Variants in RORA observed in about 807,000 individuals in gnomAD.
RORA encodes RAR related orphan receptor A.
In RORA, 7 loss-of-function variants were observed where a neutral mutation model predicts 69.5. That is an observed-to-expected ratio of 0.10 (90% CI 0.06 to 0.19). RORA has a LOEUF of 0.19. Among genes scored for constraint, RORA ranks in the 10% least tolerant of loss-of-function variants. The pLI is 1.00. For missense variants in RORA, 457 were observed against 663.0 expected (o/e 0.69, Z 3.41); for synonymous variants, 261 against 240.8 (o/e 1.08, Z -0.78).
chr15:60,893,080 G>T (rs1891123434), intron 1 of RORA, among the ~76,000 whole-genome samples: 1 of 152,168 alleles, frequency 6.6e-6, no homozygotes, highest in African/African-American at 2.4e-5. Context: ...CTTCAGTCCA[G>T]CAAAGCAGGC....
intron 1 of RORA, among the ~76,000 whole-genome samples, chr15:60,711,706 C>G (rs1376620752): frequency 2.6e-5 from 4 of 152,132 alleles, no homozygotes; most frequent in Non-Finnish European, 1.5e-5. Flanking sequence ...CTCTTTTGGT[C>G]CTACCTTCAG....
At chr15:60,836,254 C>T in intron 1 of RORA, among the ~76,000 whole-genome samples, 1 of 152,192 alleles carries the variant, frequency 6.6e-6, no homozygotes. Context: ...CCTCAAAGAT[C>T]TGGGCTGGCC....
chr15:60,570,013 G>C (rs780863957), intron 2 of RORA, among the ~76,000 whole-genome samples: 3 of 152,162 alleles, frequency 2.0e-5, no homozygotes, highest in Non-Finnish European at 4.4e-5. Flanking sequence ...TAAAAGGATA[G>C]GAAAAACGAG....
intron 1 of RORA, among the ~76,000 whole-genome samples, chr15:60,990,302 T>C (rs1025439552): frequency 6.6e-5 from 10 of 152,338 alleles, no homozygotes; most frequent in African/African-American, 2.2e-4. Context: ...TTTTGTGTGA[T>C]TTTCTTTTCT....
chr15:60,948,568 A>G (rs1047571716), intron 1 of RORA, among the ~76,000 whole-genome samples: 3 of 152,234 alleles, frequency 2.0e-5, no homozygotes, highest in Admixed American at 1.3e-4. Context: ...ACTTTTTTAC[A>G]TGAGCAACCT....
In RORA at chr15:60,493,370, TAC is replaced by T. The variant is rs1740048991; in HGVS notation, c.*4083_*4084del. ...TGTATTTTTCCCTGAGGGATCAAGG[TAC>T]ACCCGCAAGTGCTCTATGTACATAT... On this transcript the variant is annotated 3_prime_UTR_variant, in exon 11 of 11. Coordinates refer to ENST00000335670, the MANE Select transcript of RORA (RefSeq NM_134261.3). The T allele has an allele frequency of 6.6e-6, 1 of 151,954 alleles. No individual in the cohort carries two copies. The highest frequency in any genetic ancestry group is 1.5e-5 in the Non-Finnish European group (1 of 67,986). 9.4% of individuals were successfully genotyped at this position (151,954 alleles called of 1,614,324 possible).
chr15:60,602,804 A>T (rs1341624722), intron 2 of RORA, among the ~76,000 whole-genome samples: 1 of 152,166 alleles, frequency 6.6e-6, no homozygotes, highest in Non-Finnish European at 1.5e-5. Context: ...CATGTTGGAA[A>T]ACTCACCCTT....
chr15:60,512,389 C>T lies in RORA; in HGVS notation c.425-768G>A, dbSNP rs372661826. ...CAGCCTCAACCTCCTAAGGTTTGAG[C>T]GATCCTCCCGCCTTGGCCTCCTACG... On this transcript the variant is annotated intron_variant, in intron 4 of 10. Transcript: ENST00000335670. Among the ~76,000 whole-genome samples, 43 of 152,288 alleles carry T rather than the reference C, an allele frequency of 2.8e-4. 1 individual carries two copies. The South Asian group carries it at 5.2e-3, about 18-fold the overall frequency.
In RORA at chr15:61,116,914, CT is replaced by C. The variant is rs745663486; in HGVS notation, c.166+112138del. On this transcript the variant is annotated intron_variant, in intron 1 of 10. Transcript: ENST00000335670. ...CCAGGTGGGGAAGTTCATTTACCCC[CT>C]ATCTGGTTTACGCTCACTTAAGGGA... Among the ~76,000 whole-genome samples the C allele has an allele frequency of 5.1e-4, 77 of 152,242 alleles. No homozygotes were observed. The Middle Eastern group carries it at 0.01, about 20-fold the overall frequency.
chr15:60,976,147 G>C (rs2703440), intron 1 of RORA, among the ~76,000 whole-genome samples: 1 of 152,348 alleles, frequency 6.6e-6, no homozygotes, highest in South Asian at 2.1e-4. Context: ...AGATTGCTGA[G>C]CCGTGGCTCG....
chr15:60,792,316 C>T (rs2072429303), intron 1 of RORA, among the ~76,000 whole-genome samples: 1 of 152,080 alleles, frequency 6.6e-6, no homozygotes, highest in Admixed American at 6.5e-5. Context: ...GCATTATAAA[C>T]CATCAAACAG....
rs1354338103 is a variant in RORA, at chr15:60,492,769, C to T, written c.*4686G>A. ...TTTTGAACACACTGGCATAACTTTG[C>T]TTTGGAAGTTATTCAGTGTTTTGAA... On this transcript the variant is annotated 3_prime_UTR_variant, in exon 11 of 11. Transcript: ENST00000335670. The T allele has an allele frequency of 3.9e-5, 6 of 152,054 alleles. No homozygotes were observed. The highest frequency in any genetic ancestry group is 3.9e-4 in the Admixed American group (6 of 15,252). The allele number at this position is 152,054 out of a possible 1,614,324, so 9.4% of individuals were successfully genotyped here.
intron 1 of RORA, among the ~76,000 whole-genome samples, chr15:61,218,175 T>TTG (rs72135304): frequency 0.05 from 7,351 of 148,308 alleles, 170 homozygotes; most frequent in Middle Eastern, 0.062. Context: ...CATGAAATGT[T>TTG]TGTGTGTGTG....
At chr15:60,713,984 G>T (rs919314691) in intron 1 of RORA, among the ~76,000 whole-genome samples, 1 of 151,980 alleles carries the variant, frequency 6.6e-6, no homozygotes, top group African/African-American at 2.4e-5. Flanking sequence ...GTTCTCACTT[G>T]GCAAAACCGG....
intron 1 of RORA, among the ~76,000 whole-genome samples, chr15:61,106,696 C>T (rs2078952294): frequency 1.3e-5 from 2 of 152,240 alleles, no homozygotes; most frequent in African/African-American, 4.8e-5. Flanking sequence ...CTGTCAAATA[C>T]AGTCATCTCT....
intron 1 of RORA, among the ~76,000 whole-genome samples, chr15:61,036,537 T>C (rs1024584962): frequency 6.6e-6 from 1 of 152,154 alleles, no homozygotes; most frequent in Non-Finnish European, 1.5e-5. Flanking sequence ...CACCACTGAC[T>C]GGGCCCTTAA....
At chr15:61,002,991 AAAATT>A (rs1324233273) in intron 1 of RORA, among the ~76,000 whole-genome samples, 1 of 150,920 alleles carries the variant, frequency 6.6e-6, no homozygotes, top group Non-Finnish European at 1.5e-5. Flanking sequence ...AAAAAAAAAA[AAAATT>A]AGCCAGGTGT....
rs2080135485 is a variant in RORA at position 61,225,265 on chromosome 15, G to T, written c.166+3788C>A. On this transcript the variant is annotated intron_variant, in intron 1 of 10. Coordinates refer to ENST00000335670, the MANE Select transcript of RORA (RefSeq NM_134261.3). The stretch of plus-strand genomic sequence containing the variant: ...CTGGCAAAGGCTTTTCTCCCAGTCA[G>T]CAGCTCTTTCAAACTATGGGGCATC... 2.0e-5 allele frequency among the ~76,000 whole-genome samples: 3 copies of T among 152,084 alleles called. No individual in the cohort carries two copies. The South Asian group carries it at 6.2e-4, about 32-fold the overall frequency.
At chr15:60,871,484 C>G (rs1733768986) in intron 1 of RORA, among the ~76,000 whole-genome samples, 1 of 152,186 alleles carries the variant, frequency 6.6e-6, no homozygotes, top group African/African-American at 2.4e-5. Flanking sequence ...CCATGGCCAG[C>G]CAGACTACCT....
Sources: allele counts gnomAD v4.1 joint callset (sites outside exome capture counted in the v4.1 genomes callset), GRCh38; gene constraint gnomAD v4.1.1; transcripts MANE v1.5; gene names NCBI Gene and HGNC (gene_info 2026-07-23, HGNC 2026-07-21).